Variants in ELK4 observed in about 807,000 individuals in gnomAD.
ELK4 encodes ETS domain-containing protein Elk-4.
A neutral mutation model predicts 29.6 loss-of-function variants in ELK4; 16 were observed. The ratio of observed to expected loss-of-function variants is 0.54; its 90% CI spans 0.37 to 0.82. The LOEUF (loss-of-function observed/expected upper bound fraction) is 0.82. ELK4 is among the 40% of genes least tolerant of loss of function. The probability of loss-of-function intolerance (pLI) is 0.00; values close to 1 mark genes in which losing one functional copy is unlikely to be tolerated. For synonymous variants in ELK4, 213 were observed against 191.1 expected, an observed-to-expected ratio of 1.11 and a Z score of -0.95; for missense variants, 465 against 507.1, an observed-to-expected ratio of 0.92 and a Z score of 0.80.
chr1:205,613,949 T>G lies in ELK4; in HGVS notation c.*2597A>C, dbSNP rs1670191724. The G allele has an allele frequency of 4.5e-6, 1 of 221,256 alleles. No homozygotes were observed. Among genetic ancestry groups the G allele is most frequent in the Non-Finnish European group, 9.0e-6 (1 of 110,534 alleles). The allele number at this position is 221,256 out of a possible 1,614,324, so 13.7% of individuals were successfully genotyped here. On this transcript the variant is annotated 3_prime_UTR_variant, in exon 5 of 5. Transcript: ENST00000357992. ...TTCACACTAAGAATTCTGCATATAT[T>G]CAACAGAATATGAAGCTGAGACTTT...
At chr1:205,620,929 G>T (rs576905820) in intron 2 of ELK4, 91 bp from the exon 3 acceptor site, 2 of 1,359,554 alleles carry the variant, frequency 1.5e-6, no homozygotes, top group East Asian at 4.9e-5. Flanking sequence ...AGGCACAGTG[G>T]CTCATGCCTG....
In ELK4 at chr1:205,609,971, T is replaced by C. The variant is rs1325328696; in HGVS notation, c.*6575A>G. The C allele has an allele frequency of 4.3e-6, 1 of 230,328 alleles. No individual in the cohort carries two copies. The highest frequency in any genetic ancestry group is 2.2e-5 in the African/African-American group (1 of 45,194). 14.3% of individuals were successfully genotyped at this position (230,328 alleles called of 1,614,324 possible). A position where few individuals can be genotyped will look rare whatever the true frequency, so the allele number is the denominator to read the frequency against. ...AACCTTACTTCTCTGACCCTCAATA[T>C]CCTTAAGTTGAAATTAAACAAACAA... On this transcript the variant is annotated 3_prime_UTR_variant, in exon 5 of 5. Transcript: ENST00000357992.
rs1186290019 is a variant in ELK4, at chr1:205,608,375, G to A, written c.*8171C>T. Reference sequence around the variant, plus strand: ...CTACACTCTATAAAGTTTCTCTGCCGTATACAGATAGAATTCAAGACTCTA... The same window carrying A: ...CTACACTCTATAAAGTTTCTCTGCCATATACAGATAGAATTCAAGACTCTA... On this transcript the variant is annotated 3_prime_UTR_variant, in exon 5 of 5. Coordinates refer to ENST00000357992, the MANE Select transcript of ELK4 (RefSeq NM_001973.4). The A allele has an allele frequency of 2.7e-5, 5 of 188,258 alleles. No homozygotes were observed. The highest frequency in any genetic ancestry group is 4.7e-5 in the African/African-American group (2 of 42,492). The allele number at this position is 188,258 out of a possible 1,614,324, so 11.7% of individuals were successfully genotyped here. A position where few individuals can be genotyped will look rare whatever the true frequency, so the allele number is the denominator to read the frequency against.
In ELK4 at chr1:205,625,866, G is replaced by A. The variant is rs1363171996; in HGVS notation, c.-9-1975C>T. On this transcript the variant is annotated intron_variant, in intron 1 of 4. Transcript: ENST00000357992. ...GCTAATTTTTGTATTTTTAGTAGAGGTGGGGTTTCACCATGTTGGTCAGGC... is the reference window on the plus strand; with the variant it reads ...GCTAATTTTTGTATTTTTAGTAGAGATGGGGTTTCACCATGTTGGTCAGGC... The A allele has an allele frequency of 1.6e-5, 10 of 635,814 alleles. No homozygotes were observed. The African/African-American group carries it at 1.6e-4, about 10-fold the overall frequency. 39.4% of individuals were successfully genotyped at this position (635,814 alleles called of 1,614,324 possible).
At chr1:205,625,662 T>C (rs903521212) in intron 1 of ELK4, 3 of 902,438 alleles carry the variant, frequency 3.3e-6, no homozygotes, top group Admixed American at 1.9e-5. Flanking sequence ...AGCTGGTCAG[T>C]TCTGCTGCTG....
Position 205,620,544 on chromosome 1 carries a change from T to C in ELK4, c.502A>G (p.Thr168Ala). The part of the protein sequence containing the change: ...SNVKLFKLIK[T>A]ENPAEKLAEK... Reference sequence around the variant, plus strand: ...GCCAGTTTCTCGGCTGGATTCTCAGTCTTTATCAATTTGAAAAGCTTTACA... The same window carrying C: ...GCCAGTTTCTCGGCTGGATTCTCAGCCTTTATCAATTTGAAAAGCTTTACA... The change falls in exon 3 of 5, where the codon ACT (threonine) becomes GCT (alanine). Residue 168 changes from threonine to alanine, a missense_variant. Physicochemically the swap from Thr to Ala is moderately conservative, Grantham distance 58 (BLOSUM62 0). Around this residue, in one of 2 missense-constraint regions of ELK4, gnomAD observed 385 missense variants for 387.5 expected, o/e 0.99. Coordinates refer to ENST00000357992, the MANE Select transcript of ELK4 (RefSeq NM_001973.4). 2 of 1,614,238 alleles carry C rather than the reference T, an allele frequency of 1.2e-6. No homozygotes were observed. Among genetic ancestry groups the C allele is most frequent in the South Asian group, 2.2e-5 (2 of 91,082 alleles).
At chr1:205,625,528 G>A (rs1290834698) in intron 1 of ELK4, 2 of 771,332 alleles carry the variant, frequency 2.6e-6, no homozygotes, top group Non-Finnish European at 4.7e-6. Context: ...GAAACGGGCG[G>A]CTCCGAGAGC....
At chr1:205,618,429 T>C (rs372450550) in intron 4 of ELK4, among the ~76,000 whole-genome samples, 2 of 152,066 alleles carry the variant, frequency 1.3e-5, no homozygotes, top group East Asian at 3.8e-4. Context: ...CTAACTCAAA[T>C]GTATGTAATA....
At position 205,614,411 on chromosome 1, in the gene ELK4, T is replaced by G. The variant is rs1446598340; in HGVS notation, c.*2135A>C. On this transcript the variant is annotated 3_prime_UTR_variant, in exon 5 of 5. Coordinates refer to ENST00000357992, the MANE Select transcript of ELK4 (RefSeq NM_001973.4). ...AAAATGTTAACCTAATTAAAACTAT[T>G]TCAAAGTGCTGCTGAGAGGTCCAAT... The G allele has an allele frequency of 4.4e-6, 1 of 227,562 alleles. No homozygotes were observed. Among genetic ancestry groups the G allele is most frequent in the Non-Finnish European group, 8.7e-6 (1 of 114,628 alleles). The allele number at this position is 227,562 out of a possible 1,614,324, so 14.1% of individuals were successfully genotyped here. A position where few individuals can be genotyped will look rare whatever the true frequency, so the allele number is the denominator to read the frequency against.
Position 205,630,837 on chromosome 1 carries a change from G to C in ELK4, c.-10+795C>G, listed in dbSNP as rs578105247. Among the ~76,000 whole-genome samples, 10 of 152,306 alleles carry C rather than the reference G, an allele frequency of 6.6e-5. No homozygotes were observed. The East Asian group carries it at 1.9e-3, about 29-fold the overall frequency. ...TGAAGCACCAAGTTTTCCAAGCCAG[G>C]GGGTGTAGGGGGTGGGAAAAGACGA... is the stretch of plus-strand genomic sequence containing the variant. On this transcript the variant is annotated intron_variant, in intron 1 of 4. Coordinates refer to ENST00000357992, the MANE Select transcript of ELK4 (RefSeq NM_001973.4).
chr1:205,618,922 C>A, intron 4 of ELK4, 35 bp downstream of exon 4: 1 of 1,519,612 alleles, frequency 6.6e-7, no homozygotes. Flanking sequence ...ATTTAACATG[C>A]TCCAACTACA....
At chr1:205,621,214 A>G (rs1206797205) in intron 2 of ELK4, among the ~76,000 whole-genome samples, 10 of 143,666 alleles carry the variant, frequency 7.0e-5, no homozygotes, top group South Asian at 2.4e-4. Context: ...AAAAAAAAAA[A>G]AAAAAGAAAA....
chr1:205,610,775 G>GCACA lies in ELK4; in HGVS notation c.*5767_*5770dup, dbSNP rs61639182. Reference sequence around the variant, plus strand: ...TCCCTATGAAAACAGATTTACACGCGCACACACACACACACACACATTCAG... The same window carrying GCACA: ...TCCCTATGAAAACAGATTTACACGCGCACACACACACACACACACACACATTCAG... On this transcript the variant is annotated 3_prime_UTR_variant, in exon 5 of 5. Coordinates refer to ENST00000357992, the MANE Select transcript of ELK4 (RefSeq NM_001973.4). The GCACA allele has an allele frequency of 7.9e-4, 171 of 217,408 alleles. No individual in the cohort carries two copies. Among genetic ancestry groups the GCACA allele is most frequent in the African/African-American group, 3.3e-3 (147 of 44,192 alleles). The allele number at this position is 217,408 out of a possible 1,614,324, so 13.5% of individuals were successfully genotyped here.
intron 1 of ELK4, among the ~76,000 whole-genome samples, chr1:205,629,046 T>C (rs1179050991): frequency 1.3e-5 from 2 of 151,146 alleles, no homozygotes; most frequent in East Asian, 2.0e-4. Flanking sequence ...TGGTGGCGGG[T>C]GCCTGTAGTC....
intron 1 of ELK4, chr1:205,625,557 T>TA (rs1670437405): frequency 1.1e-5 from 9 of 851,186 alleles, no homozygotes; most frequent in Non-Finnish European, 1.2e-5. Context: ...TGGAAAGAAA[T>TA]ACCCGGACCG....
At chr1:205,629,587 G>A (rs758830825) in intron 1 of ELK4, among the ~76,000 whole-genome samples, 1 of 152,040 alleles carries the variant, frequency 6.6e-6, no homozygotes, top group Non-Finnish European at 1.5e-5. Flanking sequence ...CGTGGTGGTG[G>A]GCACCTGTAA....
In ELK4 at chr1:205,620,847, TAAAAA is replaced by T; in HGVS notation, c.208-14_208-10del. 7.3e-7 allele frequency: 1 copy of T among 1,374,032 alleles called. No individual in the cohort carries two copies. Among genetic ancestry groups the T allele is most frequent in the Non-Finnish European group, 9.8e-7 (1 of 1,019,058 alleles). 85.1% of individuals were successfully genotyped at this position (1,374,032 alleles called of 1,614,324 possible). On this transcript the variant is annotated splice_polypyrimidine_tract_variant and intron_variant, in intron 2 of 4. Coordinates refer to ENST00000357992, the MANE Select transcript of ELK4 (RefSeq NM_001973.4). ...ACTTTTTTGATGATATTCTGTAGGT[TAAAAA>T]AAAAAGCATTTTTATCCTTTCTTAT...
Position 205,616,717 on chromosome 1 carries a change from A to T in ELK4, c.1198-73T>A. On this transcript the variant is annotated intron_variant, in intron 4 of 4. Transcript: ENST00000357992. ...CTTTTACTTTCTATCCTACTCTATTACCTGAGGCAAAACACAACAGCCTTC... is the reference window on the plus strand; with the variant it reads ...CTTTTACTTTCTATCCTACTCTATTTCCTGAGGCAAAACACAACAGCCTTC... The T allele has an allele frequency of 3.0e-6, 4 of 1,317,014 alleles. No individual in the cohort carries two copies. In the South Asian group the frequency reaches 4.0e-5, roughly 13 times the overall value. The allele number at this position is 1,317,014 out of a possible 1,614,324, so 81.6% of individuals were successfully genotyped here.
Position 205,610,481 on chromosome 1 carries a change from T to G in ELK4, c.*6065A>C, listed in dbSNP as rs1201321420. The G allele has an allele frequency of 4.4e-6, 1 of 229,728 alleles. No homozygotes were observed. The highest frequency in any genetic ancestry group is 8.6e-6 in the Non-Finnish European group (1 of 115,950). The allele number at this position is 229,728 out of a possible 1,614,324, so 14.2% of individuals were successfully genotyped here. Reference sequence around the variant, plus strand: ...GAAACTTACAAACTAATAAAGATTTTACACAAAAGCAAACATAAATGTAGA... The same window carrying G: ...GAAACTTACAAACTAATAAAGATTTGACACAAAAGCAAACATAAATGTAGA... On this transcript the variant is annotated 3_prime_UTR_variant, in exon 5 of 5. Transcript: ENST00000357992.
Sources: gnomAD v4.1 joint callset for allele counts (sites outside exome capture counted in the v4.1 genomes callset) on GRCh38, gnomAD v4.1.1 for gene constraint, gnomAD v4.1.1 regional missense constraint, MANE v1.5 for transcripts, NCBI Gene and HGNC (gene_info 2026-07-23, HGNC 2026-07-21) for gene names.